ATP10B: variants seen among roughly 807,000 people sequenced by gnomAD.
The protein encoded by ATP10B is ATPase phospholipid transporting 10B (putative), also known as phospholipid-transporting ATPase VB.
In ATP10B, 122 loss-of-function variants were observed where a neutral mutation model predicts 141.2. The observed-to-expected ratio is 0.86, with a 90% CI of 0.75 to 1.00. The LOEUF (loss-of-function observed/expected upper bound fraction) is 1.00, where lower values mean the gene tolerates loss of function less well. Among genes scored for constraint, ATP10B ranks in the 50% least tolerant of loss-of-function variants. The pLI, the probability that ATP10B is intolerant of heterozygous loss-of-function variation, is 0.00. For synonymous variants in ATP10B, 685 were observed against 692.0 expected, an observed-to-expected ratio of 0.99 and a Z score of 0.16; for missense variants, 1,876 against 1,825.3, an observed-to-expected ratio of 1.03 and a Z score of -0.51.
intron 1 of ATP10B, among the ~76,000 whole-genome samples, chr5:160,828,262 A>T (rs1774786339): frequency 6.6e-6 from 1 of 152,270 alleles, no homozygotes; most frequent in African/African-American, 2.4e-5. Context: ...CTACCATCAG[A>T]GTGAACAGGC....
chr5:160,832,913 C>G (rs1452635085), intron 1 of ATP10B, among the ~76,000 whole-genome samples: 1 of 152,070 alleles, frequency 6.6e-6, no homozygotes, highest in Non-Finnish European at 1.5e-5. Context: ...CATTAGAATC[C>G]TGGGCAAATC....
chr5:160,853,400 T>C (rs574237593), upstream of ATP10B, among the ~76,000 whole-genome samples: 2 of 152,278 alleles, frequency 1.3e-5, no homozygotes, highest in Non-Finnish European at 2.9e-5. Flanking sequence ...CCTTGTGCCA[T>C]GGAGGAGAAT....
At chr5:160,593,670 T>G (rs1053200261) in intron 22 of ATP10B, among the ~76,000 whole-genome samples, 1 of 152,040 alleles carries the variant, frequency 6.6e-6, no homozygotes, top group South Asian at 2.1e-4. Flanking sequence ...TGCAAAAAAT[T>G]TAGATGAATG....
At chr5:160,589,811 CA>C (rs1309530939) in intron 23 of ATP10B, 115 bp from the exon 24 acceptor site, 2 of 738,434 alleles carry the variant, frequency 2.7e-6, no homozygotes, top group Non-Finnish European at 4.8e-6. Context: ...AGGAGGTACC[CA>C]GCTGCCATCT....
intron 1 of ATP10B, among the ~76,000 whole-genome samples, chr5:160,811,694 A>G (rs959010480): frequency 3.9e-5 from 6 of 152,160 alleles, no homozygotes; most frequent in South Asian, 2.1e-4. Context: ...AACACCAGGT[A>G]GATTTCTAAG....
chr5:160,778,912 C>T (rs1262577094), intron 2 of ATP10B, among the ~76,000 whole-genome samples: 1 of 152,168 alleles, frequency 6.6e-6, no homozygotes, highest in African/African-American at 2.4e-5. Flanking sequence ...AGTGATTCTG[C>T]TTCTCTATGT....
At chr5:160,919,427 A>G in the ATP10B span, among the ~76,000 whole-genome samples, 1 of 152,044 alleles carries the variant, frequency 6.6e-6, no homozygotes, top group Non-Finnish European at 1.5e-5. Context: ...TACTCAATCC[A>G]GTGGGAAGGA....
intron 7 of ATP10B, among the ~76,000 whole-genome samples, chr5:160,658,164 T>C (rs1761638295): frequency 6.6e-6 from 1 of 152,202 alleles, no homozygotes; most frequent in Non-Finnish European, 1.5e-5. Context: ...AAGATCCTAG[T>C]ACAGTGTCTG....
chr5:160,653,226 C>G (rs1448106074), intron 7 of ATP10B, among the ~76,000 whole-genome samples: 1 of 132,596 alleles, frequency 7.5e-6, no homozygotes, highest in Non-Finnish European at 1.5e-5. Flanking sequence ...TATATACATA[C>G]AAATATGTAG....
At chr5:160,609,765 A>G (rs1757606427) in intron 18 of ATP10B, among the ~76,000 whole-genome samples, 1 of 152,188 alleles carries the variant, frequency 6.6e-6, no homozygotes, top group South Asian at 2.1e-4. Flanking sequence ...TGTTGCAGGC[A>G]CTAGAATATG....
chr5:160,596,106 C>T (rs1756672948), intron 22 of ATP10B, among the ~76,000 whole-genome samples: 1 of 151,744 alleles, frequency 6.6e-6, no homozygotes, highest in African/African-American at 2.4e-5. Context: ...GAATTTTAGA[C>T]CAATATCCTT....
At chr5:160,791,158 T>C (rs1187612376) in intron 1 of ATP10B, among the ~76,000 whole-genome samples, 1 of 152,164 alleles carries the variant, frequency 6.6e-6, no homozygotes, top group African/African-American at 2.4e-5. Flanking sequence ...AATTTTCCCC[T>C]AGCACCTCTA....
intron 5 of ATP10B, 28 bp downstream of exon 5, chr5:160,687,772 A>C: frequency 1.3e-6 from 2 of 1,597,262 alleles, no homozygotes; most frequent in South Asian, 2.3e-5. Flanking sequence ...CTCTAAAAAG[A>C]GTATTGTTCA....
At chr5:160,613,605 G>C (rs1219982539) in intron 17 of ATP10B, among the ~76,000 whole-genome samples, 1 of 152,204 alleles carries the variant, frequency 6.6e-6, no homozygotes, top group Non-Finnish European at 1.5e-5. Context: ...AGGAGAGGCA[G>C]CAGTAGCCTG....
intron 1 of ATP10B, among the ~76,000 whole-genome samples, chr5:160,841,490 A>G (rs1775807460): frequency 6.6e-6 from 1 of 152,152 alleles, no homozygotes; most frequent in Non-Finnish European, 1.5e-5. Flanking sequence ...CACTTTTCTG[A>G]GCATATGTTT....
At chr5:160,697,914 C>T (rs540497757) in intron 3 of ATP10B, among the ~76,000 whole-genome samples, 1 of 152,194 alleles carries the variant, frequency 6.6e-6, no homozygotes, top group East Asian at 1.9e-4. Flanking sequence ...CTCATAAGAG[C>T]TTTACTCCAA....
intron 11 of ATP10B, 99 bp from the exon 12 acceptor site, chr5:160,634,705 G>A: frequency 7.6e-7 from 1 of 1,320,514 alleles, no homozygotes; most frequent in Non-Finnish European, 1.0e-6. Flanking sequence ...GAAAGTTGAG[G>A]TCAGCTCACA....
rs1031031653 is a variant in ATP10B at position 160,661,171 on chromosome 5, A to C, written c.675+9292T>G. On this transcript the variant is annotated intron_variant, in intron 7 of 25. Coordinates refer to ENST00000327245, the MANE Select transcript of ATP10B (RefSeq NM_025153.3). Reference sequence around the variant, plus strand: ...ATTGCACTCCAGCCTGGGCAACAAGAGTGAAACTCTGTCTCAAAAAAAAAA... The same window carrying C: ...ATTGCACTCCAGCCTGGGCAACAAGCGTGAAACTCTGTCTCAAAAAAAAAA... Among the ~76,000 whole-genome samples, 5 of 152,008 alleles carry C rather than the reference A, an allele frequency of 3.3e-5. No homozygotes were observed. In the South Asian group the frequency reaches 6.2e-4, roughly 19 times the overall value.
chr5:160,892,083 A>G, the ATP10B span, among the ~76,000 whole-genome samples: 2 of 152,234 alleles, frequency 1.3e-5, no homozygotes, highest in African/African-American at 2.4e-5. Flanking sequence ...CAGTAAATTA[A>G]TGATTTTTTT....
Sources: allele counts gnomAD v4.1 joint callset (sites outside exome capture counted in the v4.1 genomes callset), GRCh38; gene constraint gnomAD v4.1.1; transcripts MANE v1.5; gene names NCBI Gene and HGNC (gene_info 2026-07-23, HGNC 2026-07-21).